MSRB3: variants seen among roughly 807,000 people sequenced by gnomAD.
MSRB3 encodes methionine-R-sulfoxide reductase B3.
MSRB3 carries 13 observed loss-of-function variants against 21.0 expected under a neutral mutation model. The ratio of observed to expected loss-of-function variants is 0.62; its 90% CI spans 0.40 to 0.98. The LOEUF (loss-of-function observed/expected upper bound fraction) is 0.98, where lower values mean the gene tolerates loss of function less well. Among genes scored for constraint, MSRB3 ranks in the 50% least tolerant of loss-of-function variants. MSRB3 has a pLI of 0.00. For synonymous variants in MSRB3, 87 were observed against 88.6 expected (o/e 0.98, Z 0.10); for missense variants, 199 against 230.3 (o/e 0.86, Z 0.88).
intron 5 of MSRB3, among the ~76,000 whole-genome samples, chr12:65,444,718 T>A (rs1308286385): frequency 6.6e-6 from 1 of 152,188 alleles, no homozygotes; most frequent in African/African-American, 2.4e-5. Flanking sequence ...ATCTGCAGTG[T>A]CTCTCAGGTC....
intron 4 of MSRB3, among the ~76,000 whole-genome samples, chr12:65,360,633 A>G (rs1877646613): frequency 6.6e-6 from 1 of 152,062 alleles, no homozygotes; most frequent in East Asian, 1.9e-4. Flanking sequence ...ATTCCTGGGA[A>G]TGCAGGGAAA....
At chr12:65,361,208 T>C (rs946753290) in intron 4 of MSRB3, among the ~76,000 whole-genome samples, 1 of 152,120 alleles carries the variant, frequency 6.6e-6, no homozygotes, top group Non-Finnish European at 1.5e-5. Flanking sequence ...ACTTCTAATA[T>C]GTGTCAGGAC....
chr12:65,319,980 A>G (rs1488863716), intron 2 of MSRB3, among the ~76,000 whole-genome samples: 1 of 152,152 alleles, frequency 6.6e-6, no homozygotes, highest in Non-Finnish European at 1.5e-5. Flanking sequence ...GGCCATTTTT[A>G]TCATTCAACT....
At chr12:65,447,051 G>T (rs1373175511) in intron 5 of MSRB3, among the ~76,000 whole-genome samples, 2 of 152,210 alleles carry the variant, frequency 1.3e-5, no homozygotes, top group Non-Finnish European at 2.9e-5. Context: ...TTGCTATTGA[G>T]GTGTTGATAT....
intron 5 of MSRB3, among the ~76,000 whole-genome samples, chr12:65,399,635 T>G (rs939733525): frequency 2.6e-5 from 4 of 152,184 alleles, no homozygotes; most frequent in Admixed American, 2.0e-4. Context: ...CTTCCAATAC[T>G]ATGTTGAATA....
chr12:65,293,959 C>T (rs145226995), intron 1 of MSRB3, among the ~76,000 whole-genome samples: 1 of 152,250 alleles, frequency 6.6e-6, no homozygotes, highest in East Asian at 1.9e-4. Flanking sequence ...CTCCTGTGGC[C>T]TCCAGGTAGA....
chr12:65,377,074 T>G (rs150777953), intron 5 of MSRB3, among the ~76,000 whole-genome samples: 2 of 152,326 alleles, frequency 1.3e-5, no homozygotes, highest in East Asian at 3.9e-4. Flanking sequence ...TACCTTTTAA[T>G]GCTCACCTCA....
chr12:65,384,670 T>C (rs1436237824), intron 5 of MSRB3, among the ~76,000 whole-genome samples: 2 of 152,160 alleles, frequency 1.3e-5, no homozygotes, highest in African/African-American at 2.4e-5. Flanking sequence ...GCCTTCTTTT[T>C]AGCCAAAAAT....
At chr12:65,325,564 C>A (rs1007239362) in intron 2 of MSRB3, among the ~76,000 whole-genome samples, 1 of 151,966 alleles carries the variant, frequency 6.6e-6, no homozygotes, top group African/African-American at 2.4e-5. Flanking sequence ...TCAGGGTAAC[C>A]GGCTAGACAA....
intron 5 of MSRB3, among the ~76,000 whole-genome samples, chr12:65,389,978 A>G (rs1879390448): frequency 6.6e-6 from 1 of 152,180 alleles, no homozygotes; most frequent in Non-Finnish European, 1.5e-5. Context: ...TTTTTGAACA[A>G]TCATCTTGCC....
intron 4 of MSRB3, chr12:65,344,084 GA>G (rs1876325510): frequency 6.6e-6 from 1 of 152,034 alleles, no homozygotes; most frequent in African/African-American, 2.4e-5. Context: ...AAATAATGTT[GA>G]AATGTTTTGT....
intron 2 of MSRB3, among the ~76,000 whole-genome samples, chr12:65,310,153 G>T (rs1873902444): frequency 6.6e-6 from 1 of 152,088 alleles, no homozygotes; most frequent in Non-Finnish European, 1.5e-5. Flanking sequence ...TCTTATGTCT[G>T]TTTATGGTGA....
At chr12:65,426,032 A>G (rs1881582739) in intron 5 of MSRB3, among the ~76,000 whole-genome samples, 1 of 151,586 alleles carries the variant, frequency 6.6e-6, no homozygotes, top group South Asian at 2.1e-4. Context: ...AATTTTTTCT[A>G]TTTTTAGTAG....
chr12:65,298,887 G>A (rs534004956), intron 1 of MSRB3, among the ~76,000 whole-genome samples: 4 of 152,240 alleles, frequency 2.6e-5, no homozygotes, highest in Middle Eastern at 3.4e-3. Context: ...TAGTGATATA[G>A]ATACTGTAGT....
intron 5 of MSRB3, among the ~76,000 whole-genome samples, chr12:65,424,021 T>C (rs1372605586): frequency 6.6e-6 from 1 of 152,186 alleles, no homozygotes; most frequent in Non-Finnish European, 1.5e-5. Flanking sequence ...TCCTTGTGAT[T>C]GGTCTCTTCA....
chr12:65,335,193 A>C (rs889181582), intron 4 of MSRB3, among the ~76,000 whole-genome samples: 3 of 152,220 alleles, frequency 2.0e-5, no homozygotes, highest in Admixed American at 1.3e-4. Flanking sequence ...GTATTCAACA[A>C]ATGTTAAATA....
At chr12:65,426,517 G>A (rs1881607925) in intron 5 of MSRB3, among the ~76,000 whole-genome samples, 1 of 152,062 alleles carries the variant, frequency 6.6e-6, no homozygotes, top group Admixed American at 6.5e-5. Flanking sequence ...AGTATGTCTT[G>A]CTGTAGTCTT....
chr12:65,430,948 T>A (rs943043658), intron 5 of MSRB3, among the ~76,000 whole-genome samples: 19 of 152,114 alleles, frequency 1.2e-4, no homozygotes, highest in Non-Finnish European at 7.4e-5. Flanking sequence ...TAGAAATGAA[T>A]ACAAGTTCAA....
rs372246525 is a variant in MSRB3 at position 65,350,958 on chromosome 12, G to A, written c.264-18040G>A. Reference sequence around the variant, plus strand: ...AATTGAACTCAGCTCTGCACCAAGCGGACCTAATAGACATCTACAGAACTC... The same window carrying A: ...AATTGAACTCAGCTCTGCACCAAGCAGACCTAATAGACATCTACAGAACTC... On this transcript the variant is annotated intron_variant, in intron 4 of 6. Coordinates refer to ENST00000308259, the MANE Select transcript of MSRB3 (RefSeq NM_001031679.3). Among the ~76,000 whole-genome samples, 206 of 147,852 alleles carry A rather than the reference G, an allele frequency of 1.4e-3. 3 individuals are homozygous for A. The East Asian group carries it at 0.03, about 21-fold the overall frequency.
Sources: gnomAD v4.1 joint callset for allele counts (sites outside exome capture counted in the v4.1 genomes callset) on GRCh38, gnomAD v4.1.1 for gene constraint, MANE v1.5 for transcripts, NCBI Gene and HGNC (gene_info 2026-07-23, HGNC 2026-07-21) for gene names.